Variants in TNKS observed in about 807,000 individuals in gnomAD.
The protein encoded by TNKS is poly [ADP-ribose] polymerase tankyrase-1.
In TNKS, 72 loss-of-function variants were observed where a neutral mutation model predicts 135.8. That is an observed-to-expected ratio of 0.53 (90% CI 0.44 to 0.64). The LOEUF is 0.64. TNKS is among the 30% of genes least tolerant of loss of function. The pLI is 0.00. For synonymous variants in TNKS, 849 were observed against 649.3 expected (o/e 1.31, Z -4.68); for missense variants, 1,769 against 1,674.0 (o/e 1.06, Z -0.99).
intron 2 of TNKS, among the ~76,000 whole-genome samples, chr8:9,584,296 G>T (rs1358609369): frequency 1.3e-5 from 2 of 152,084 alleles, no homozygotes; most frequent in East Asian, 3.9e-4. Flanking sequence ...CTTGCTGAGA[G>T]GAATGCGGAA....
intron 14 of TNKS, among the ~76,000 whole-genome samples, chr8:9,732,261 A>G (rs554994733): frequency 6.6e-6 from 1 of 152,290 alleles, no homozygotes; most frequent in African/African-American, 2.4e-5. Context: ...TTAGTTTGCT[A>G]AATTATTTTG....
At chr8:9,652,828 C>G (rs1801195066) in intron 3 of TNKS, among the ~76,000 whole-genome samples, 1 of 152,048 alleles carries the variant, frequency 6.6e-6, no homozygotes, top group African/African-American at 2.4e-5. Context: ...CTCAGAGCGA[C>G]CACAGAAGAT....
Position 9,555,933 on chromosome 8 carries a change from T to G in TNKS, c.-7T>G. On this transcript the variant is annotated 5_prime_UTR_variant, in exon 1 of 27. Coordinates refer to ENST00000310430, the MANE Select transcript of TNKS (RefSeq NM_003747.3). ...TGCCGCAGTGACAGTGCTAGGGGAG[T>G]CCGAAGATGGCGGCGTCGCGTCGCT... 6.2e-7 allele frequency: 1 copy of G among 1,606,400 alleles called. No individual in the cohort carries two copies. Among genetic ancestry groups the G allele is most frequent in the Non-Finnish European group, 8.5e-7 (1 of 1,176,760 alleles).
chr8:9,643,264 A>G, intron 3 of TNKS, among the ~76,000 whole-genome samples: 1 of 145,978 alleles, frequency 6.9e-6, no homozygotes, highest in East Asian at 2.1e-4. Flanking sequence ...AAAGAAAAGA[A>G]GTTTATTTTT....
chr8:9,766,109 C>T lies in TNKS; in HGVS notation c.3554-130C>T, dbSNP rs1243257061. The T allele has an allele frequency of 1.2e-5, 10 of 801,508 alleles. No homozygotes were observed. In the South Asian group the frequency reaches 1.5e-4, roughly 12 times the overall value. The allele number at this position is 801,508 out of a possible 1,614,324, so 49.6% of individuals were successfully genotyped here. On this transcript the variant is annotated intron_variant, in intron 24 of 26. Coordinates refer to ENST00000310430, the MANE Select transcript of TNKS (RefSeq NM_003747.3). ...TACATTATTATGTATAATAGACCTT[C>T]TTAGAAAATACTTTTCATTTATACA... is the stretch of plus-strand genomic sequence containing the variant.
intron 5 of TNKS, among the ~76,000 whole-genome samples, chr8:9,693,064 A>G (rs1314448463): frequency 1.3e-5 from 2 of 152,204 alleles, no homozygotes; most frequent in African/African-American, 4.8e-5. Flanking sequence ...TGTTTATTGT[A>G]TTTTCCTAAG....
chr8:9,603,553 C>G lies in TNKS; in HGVS notation c.899-12029C>G, dbSNP rs73537946. 2.9e-3 allele frequency among the ~76,000 whole-genome samples: 437 copies of G among 152,252 alleles called. 2 individuals carry two copies. Among genetic ancestry groups the G allele is most frequent in the African/African-American group, 9.8e-3 (408 of 41,538 alleles). ...ACAACCATTACTTCTAAACTTTTCT[C>G]CTGACACCCAGTTCAGTTCCCTGTT... is the stretch of plus-strand genomic sequence containing the variant. On this transcript the variant is annotated intron_variant, in intron 2 of 26. Transcript: ENST00000310430.
chr8:9,626,839 T>C (rs1382869001), intron 3 of TNKS, among the ~76,000 whole-genome samples: 1 of 152,222 alleles, frequency 6.6e-6, no homozygotes, highest in East Asian at 1.9e-4. Flanking sequence ...GGCTATACTA[T>C]AAAATGTGTT....
chr8:9,717,072 A>ATATGTAT (rs376229840), intron 11 of TNKS, among the ~76,000 whole-genome samples: 1 of 79,460 alleles, frequency 1.3e-5, no homozygotes, highest in Non-Finnish European at 2.5e-5. Flanking sequence ...GTTGTATTAT[A>ATATGTAT]ATATATATAT....
At chr8:9,592,553 G>A (rs946947383) in intron 2 of TNKS, among the ~76,000 whole-genome samples, 2 of 152,070 alleles carry the variant, frequency 1.3e-5, no homozygotes, top group Admixed American at 1.3e-4. Flanking sequence ...CACAGGATGA[G>A]GTGCCAGATT....
chr8:9,631,555 A>G (rs1019570930), intron 3 of TNKS, among the ~76,000 whole-genome samples: 3 of 152,226 alleles, frequency 2.0e-5, no homozygotes, highest in Non-Finnish European at 4.4e-5. Flanking sequence ...TATTTGGTAG[A>G]CTTAGTTATC....
chr8:9,615,592 G>A lies in TNKS; in HGVS notation c.909G>A (p.Gln303=), dbSNP rs1357637560. The part of the protein sequence containing the change: ...GKIDVCIVLL[Q]HGADPNIRNT... The stretch of plus-strand genomic sequence containing the variant: ...GCTTTCCCTGCACAGTGCTGCTGCA[G>A]CACGGAGCTGACCCAAACATTCGGA... The change falls in exon 3 of 27, where the codon CAG becomes CAA. Residue 303 remains glutamine (Q), a synonymous_variant. Transcript: ENST00000310430. The A allele has an allele frequency of 1.2e-6, 2 of 1,613,368 alleles. No homozygotes were observed. Among genetic ancestry groups the A allele is most frequent in the South Asian group, 2.2e-5 (2 of 90,850 alleles).
chr8:9,715,662 C>A (rs1264502029), intron 11 of TNKS, among the ~76,000 whole-genome samples: 1 of 152,034 alleles, frequency 6.6e-6, no homozygotes, highest in African/African-American at 2.4e-5. Context: ...ATGGCTGTGG[C>A]TCTAGAGGGG....
chr8:9,675,552 A>G (rs762525665), intron 3 of TNKS, among the ~76,000 whole-genome samples: 1 of 152,242 alleles, frequency 6.6e-6, no homozygotes, highest in Non-Finnish European at 1.5e-5. Flanking sequence ...CCCTTGGCCC[A>G]ATAGCCTTTG....
chr8:9,621,063 A>G (rs1799848659), intron 3 of TNKS, among the ~76,000 whole-genome samples: 1 of 152,254 alleles, frequency 6.6e-6, no homozygotes, highest in Admixed American at 6.5e-5. Context: ...TTATGCCAAT[A>G]GTTTTAATAA....
rs1274099695 is a variant in TNKS, at chr8:9,684,573, C to G, written c.1107+3773C>G. ...GGTTAGGGACTATTGCACATATTTC[C>G]AAATAGAAATAATATGTATCTTTGA... On this transcript the variant is annotated intron_variant, in intron 5 of 26. Coordinates refer to ENST00000310430, the MANE Select transcript of TNKS (RefSeq NM_003747.3). Among the ~76,000 whole-genome samples the G allele has an allele frequency of 2.0e-5, 3 of 151,966 alleles. No individual in the cohort carries two copies. The East Asian group carries it at 5.8e-4, about 29-fold the overall frequency.
At chr8:9,642,756 G>T (rs910163397) in intron 3 of TNKS, among the ~76,000 whole-genome samples, 1 of 145,756 alleles carries the variant, frequency 6.9e-6, no homozygotes, top group African/African-American at 2.5e-5. Flanking sequence ...GTAAAAACAT[G>T]ACACCTCTTT....
chr8:9,770,477 G>A (rs1807761583), intron 26 of TNKS, among the ~76,000 whole-genome samples: 1 of 152,228 alleles, frequency 6.6e-6, no homozygotes, highest in Admixed American at 6.5e-5. Context: ...ATAACACAGT[G>A]TGAACAAGAG....
intron 18 of TNKS, among the ~76,000 whole-genome samples, chr8:9,750,378 C>G (rs547030516): frequency 9.2e-5 from 14 of 152,316 alleles, no homozygotes; most frequent in African/African-American, 2.6e-4. Context: ...GTTCCTTTCT[C>G]TCTTCCTGTA....
Sources: gnomAD v4.1 joint callset for allele counts (sites outside exome capture counted in the v4.1 genomes callset) on GRCh38, gnomAD v4.1.1 for gene constraint, MANE v1.5 for transcripts, NCBI Gene and HGNC (gene_info 2026-07-23, HGNC 2026-07-21) for gene names.